The following IGSF1 variants were observed in gnomAD, a reference collection of about 807,000 sequenced individuals.
The protein encoded by IGSF1 is immunoglobulin superfamily member 1.
A neutral mutation model predicts 95.3 loss-of-function variants in IGSF1; 40 were observed. That is an observed-to-expected ratio of 0.42 (90% confidence interval 0.33 to 0.55). The LOEUF is 0.55. Among genes scored for constraint, IGSF1 ranks in the 20% least tolerant of loss-of-function variants. The pLI is 0.10. For missense variants in IGSF1, 906 were observed against 1,025.4 expected (o/e 0.88, Z 1.59); for synonymous variants, 372 against 382.9 (o/e 0.97, Z 0.33).
In IGSF1 at chrX:131,278,587, C is replaced by G. The variant is rs748852584; in HGVS notation, c.1915G>C (p.Glu639Gln). ...TGWIATRPASEQVRAAFPLGA... is the reference protein window; with the variant it reads ...TGWIATRPASQQVRAAFPLGA... Reference sequence around the variant, plus strand: ...AGGGGGAAGGCAGCCCGGACCTGCTCTGAGGCCGGGCGAGTGGCGATCCAC... The same window carrying G: ...AGGGGGAAGGCAGCCCGGACCTGCTGTGAGGCCGGGCGAGTGGCGATCCAC... The change falls in exon 12 of 20, where the codon GAG becomes CAG. Residue 639 changes from glutamate to glutamine, a missense_variant. Glu to Gln is a conservative substitution (Grantham distance 29, BLOSUM62 2). Coordinates refer to ENST00000361420, the MANE Select transcript of IGSF1 (RefSeq NM_001555.5). 6.6e-6 allele frequency: 8 copies of G among 1,209,971 alleles called. No individual in the cohort carries two copies. In the South Asian group the frequency reaches 7.0e-5, roughly 11 times the overall value.
chrX:131,282,371 A>G, intron 7 of IGSF1, 73 bp downstream of exon 7: 4 of 866,209 alleles, frequency 4.6e-6, no homozygotes, highest in Non-Finnish European at 6.7e-6. Flanking sequence ...TGAGGCTACT[A>G]GCTCCTTCTT....
In IGSF1 at chrX:131,280,524, G is replaced by A. The variant is rs766394658; in HGVS notation, c.1646+694C>T. Among the ~76,000 whole-genome samples the A allele has an allele frequency of 5.4e-5, 6 of 112,003 alleles. No homozygotes were observed. In the East Asian group the frequency reaches 1.7e-3, roughly 31 times the overall value. On this transcript the variant is annotated intron_variant, in intron 9 of 19. Transcript: ENST00000361420. ...GTCATTTCTCTCCTTGTTCCCAGTA[G>A]AGTAGCCTGAGCACAAGCCATGGGG...
chrX:131,275,957 T>G lies in IGSF1; in HGVS notation c.2896+4A>C. 4.1e-6 allele frequency: 5 copies of G among 1,209,416 alleles called. No individual in the cohort carries two copies. On this transcript the variant is annotated splice_donor_region_variant and intron_variant, in intron 15 of 19. Transcript: ENST00000361420. ...TCCCAGTCCCATGTCCGGTCGGTCCTTACCAGTCACCCAGATCATAAGGGG... is the reference window on the plus strand; with the variant it reads ...TCCCAGTCCCATGTCCGGTCGGTCCGTACCAGTCACCCAGATCATAAGGGG...
chrX:131,284,227 A>G (rs762157741), intron 5 of IGSF1: 9 of 289,329 alleles, frequency 3.1e-5, no homozygotes, highest in Non-Finnish European at 4.2e-5. Context: ...ATTTAGGCAA[A>G]TCCTCACAAC....
At position 131,282,448 on chromosome X, in the gene IGSF1, A is replaced by T. The variant is rs751378959; in HGVS notation, c.1242T>A (p.Val414=). The T allele has an allele frequency of 8.3e-7, 1 of 1,200,349 alleles. No homozygotes were observed. The highest frequency in any genetic ancestry group is 3.0e-5 in the East Asian group (1 of 33,659). ...MPSHNTVELM[V]VDKPPKPSLS... ...AAAACAGTTGTTAACACTTGCCTAC[A>T]ACCATAAGCTCCACAGTGTTGTGTG... Residue 414 remains valine, a synonymous_variant, in exon 7 of 20, where the codon GTT becomes GTA. Transcript: ENST00000361420.
At position 131,286,666 on chromosome X, in the gene IGSF1, C is replaced by T. The variant is rs753447956; in HGVS notation, c.9G>A (p.Leu3=). 4 of 1,176,755 alleles carry T rather than the reference C, an allele frequency of 3.4e-6. No individual in the cohort carries two copies. Among genetic ancestry groups the T allele is most frequent in the Non-Finnish European group, 4.5e-6 (4 of 882,146 alleles). Residue 3 remains leucine, a synonymous_variant, in exon 2 of 20, where the codon CTG becomes CTA. Coordinates refer to ENST00000361420, the MANE Select transcript of IGSF1 (RefSeq NM_001555.5). ...TGGTGGCCCCCTCCCCTGGTCTGTCCAGGGTCATGGGGCCTCTGGTGCTGG... is the reference window on the plus strand; with the variant it reads ...TGGTGGCCCCCTCCCCTGGTCTGTCTAGGGTCATGGGGCCTCTGGTGCTGG... MT[L]DRPGEGATML...
At chrX:131,280,538 C>T (rs1365330165) in intron 9 of IGSF1, among the ~76,000 whole-genome samples, 1 of 111,846 alleles carries the variant, frequency 8.9e-6, no homozygotes, top group African/African-American at 3.3e-5. Flanking sequence ...AGCCTGAGCA[C>T]AAGCCATGGG....
Position 131,279,342 on chromosome X carries a change from C to G in IGSF1, c.1647-1G>C. 8.3e-7 allele frequency: 1 copy of G among 1,204,380 alleles called. No homozygotes were observed. Among genetic ancestry groups the G allele is most frequent in the Non-Finnish European group, 1.1e-6 (1 of 888,945 alleles). On this transcript the variant is annotated splice_acceptor_variant, in intron 9 of 19. Transcript: ENST00000361420. LOFTEE classifies it high-confidence loss of function. The stretch of plus-strand genomic sequence containing the variant: ...AGCTGTTCCCAGCAACCAGGCTTCT[C>G]TAGTGAGACCAGAAAAGAGATGAGA...
Position 131,275,644 on chromosome X carries a change from T to C in IGSF1, c.3018A>G (p.Gly1006=), listed in dbSNP as rs771426646. The C allele has an allele frequency of 8.3e-7, 1 of 1,211,522 alleles. No individual in the cohort carries two copies. Among genetic ancestry groups the C allele is most frequent in the Admixed American group, 2.2e-5 (1 of 46,070 alleles). The change falls in exon 16 of 20, where the codon GGA becomes GGG. Residue 1006 remains glycine, a synonymous_variant. Coordinates refer to ENST00000361420, the MANE Select transcript of IGSF1 (RefSeq NM_001555.5). ...HGVGYILHKE[G]EATSMQLWGS... is the part of the protein sequence containing the mutation. Reference sequence around the variant, plus strand: ...CCCAGAGCTGCATTGAAGTGGCTTCTCCTTCTTTGTGCAGAATGTATCCTA... The same window carrying C: ...CCCAGAGCTGCATTGAAGTGGCTTCCCCTTCTTTGTGCAGAATGTATCCTA...
chrX:131,288,436 G>C (rs1200762300), intron 1 of IGSF1, among the ~76,000 whole-genome samples: 1 of 111,050 alleles, frequency 9.0e-6, no homozygotes, highest in African/African-American at 3.3e-5. Context: ...TTGTTACCCT[G>C]GGGCTTTGGG....
chrX:131,282,638 C>A lies in IGSF1; in HGVS notation c.1052G>T (p.Gly351Val). The A allele has an allele frequency of 1.7e-6, 2 of 1,208,832 alleles. No individual in the cohort carries two copies. Among genetic ancestry groups the A allele is most frequent in the Admixed American group, 2.2e-5 (1 of 45,991 alleles). The change falls in exon 7 of 20, where the codon GGT becomes GTT. Residue 351 changes from glycine (G) to valine (V), a missense_variant. Coordinates refer to ENST00000361420, the MANE Select transcript of IGSF1 (RefSeq NM_001555.5). ...TTCTCCTTTCTTATAGAGTGCAAGA[C>A]CCACTCCATCCACTGGTCCTCGACA... ...LRCRGPVDGV[G>V]LALYKKGEDK...
chrX:131,275,914 C>G (rs1336238539), intron 15 of IGSF1, 47 bp downstream of exon 15: 7 of 1,187,887 alleles, frequency 5.9e-6, no homozygotes, highest in Non-Finnish European at 8.0e-6. Context: ...TCCCTAACCC[C>G]TTCTCCAATG....
rs762418531 is a variant in IGSF1 at position 131,277,716 on chromosome X, A to G, written c.2320+140T>C. The stretch of plus-strand genomic sequence containing the variant: ...CAGAGGCCCTGGCACTCCCAGCGCC[A>G]CGCCTGCCTGGCTCTAAGATTGGAC... On this transcript the variant is annotated intron_variant, in intron 13 of 19. Transcript: ENST00000361420. 3.4e-5 allele frequency: 22 copies of G among 647,976 alleles called. No individual in the cohort carries two copies. In the South Asian group the frequency reaches 5.3e-4, roughly 16 times the overall value. The allele number at this position is 647,976 out of a possible 1,213,427, so 53.4% of individuals were successfully genotyped here. A position where few individuals can be genotyped will look rare whatever the true frequency, so the allele number is the denominator to read the frequency against.
At chrX:131,284,017 G>A in intron 5 of IGSF1, 1 of 279,125 alleles carries the variant, frequency 3.6e-6, no homozygotes, top group Non-Finnish European at 4.9e-6. Context: ...GAACTGGTTG[G>A]TGGGGGATAT....
Position 131,283,223 on chromosome X carries a change from T to C in IGSF1, c.709A>G (p.Ile237Val). The C allele has an allele frequency of 8.3e-7, 1 of 1,211,330 alleles. No homozygotes were observed. Among genetic ancestry groups the C allele is most frequent in the Non-Finnish European group, 1.1e-6 (1 of 894,849 alleles). Residue 237 changes from isoleucine to valine, a missense_variant, in exon 6 of 20, where the codon ATC becomes GTC. By Grantham distance (29) the Ile-to-Val change is conservative. Transcript: ENST00000361420. The part of the protein sequence containing the change: ...KPTLTAHPGP[I>V]MAPGESLNLR... ...TTCAGGCTTTCTCCAGGTGCCATGATGGGCCCAGGATGGGCTGTCAAAGTT... is the reference window on the plus strand; with the variant it reads ...TTCAGGCTTTCTCCAGGTGCCATGACGGGCCCAGGATGGGCTGTCAAAGTT...
intron 5 of IGSF1, among the ~76,000 whole-genome samples, chrX:131,283,579 A>C (rs761177095): frequency 3.6e-5 from 4 of 112,263 alleles, no homozygotes; most frequent in East Asian, 2.8e-4. Flanking sequence ...TTCAACCACC[A>C]GAAAAACCAA....
rs764569723 is a variant in IGSF1 at position 131,289,236 on chromosome X, T to C, written c.-90A>G. ...TACGGTAGTTGAAGGCCCGCTCCGA[T>C]GTTGGAGATTCTCCAGTGAGCTCCT... On this transcript the variant is annotated 5_prime_UTR_variant, in exon 1 of 20. Coordinates refer to ENST00000361420, the MANE Select transcript of IGSF1 (RefSeq NM_001555.5). 5.4e-6 allele frequency: 2 copies of C among 373,167 alleles called. No individual in the cohort carries two copies. The highest frequency in any genetic ancestry group is 2.5e-5 in the African/African-American group (1 of 39,241). 30.8% of individuals were successfully genotyped at this position (373,167 alleles called of 1,213,427 possible).
chrX:131,281,131 G>A, intron 9 of IGSF1, 87 bp downstream of exon 9: 1 of 1,037,052 alleles, frequency 9.6e-7, no homozygotes, highest in South Asian at 2.0e-5. Context: ...TATAGGGTTT[G>A]CCTCTGTGGC....
rs1316895414 is a variant in IGSF1 at position 131,275,306 on chromosome X, G to C, written c.3185-20C>G. 8.3e-7 allele frequency: 1 copy of C among 1,204,272 alleles called. No individual in the cohort carries two copies. Among genetic ancestry groups the C allele is most frequent in the East Asian group, 3.0e-5 (1 of 33,783 alleles). Reference sequence around the variant, plus strand: ...GTAAGCCTGGAAGAAATGAACTCCTGGTCAAAGAGAAGAGGTCACTTTCCA... The same window carrying C: ...GTAAGCCTGGAAGAAATGAACTCCTCGTCAAAGAGAAGAGGTCACTTTCCA... On this transcript the variant is annotated intron_variant, in intron 16 of 19. Transcript: ENST00000361420.
Sources: gnomAD v4.1 joint callset for allele counts (sites outside exome capture counted in the v4.1 genomes callset) on GRCh38, gnomAD v4.1.1 for gene constraint, MANE v1.5 for transcripts, NCBI Gene and HGNC (gene_info 2026-07-23, HGNC 2026-07-21) for gene names.